The following PDGFD variants were observed in gnomAD, a reference collection of about 807,000 sequenced individuals.
PDGFD encodes platelet derived growth factor D, also known as platelet-derived growth factor D.
Under a neutral mutation model 44.7 loss-of-function variants are expected in PDGFD, and 30 were observed. The observed-to-expected ratio is 0.67, with a 90% CI of 0.50 to 0.91. The LOEUF is 0.91. Ranked by LOEUF, PDGFD falls within the 40% of genes least tolerant of loss-of-function variation. PDGFD has a pLI of 0.00. For synonymous variants in PDGFD, 173 were observed against 168.4 expected (o/e 1.03, Z -0.21); for missense variants, 445 against 457.8 (o/e 0.97, Z 0.25).
At chr11:104,115,061 C>T (rs2134455595) in intron 1 of PDGFD, among the ~76,000 whole-genome samples, 1 of 151,740 alleles carries the variant, frequency 6.6e-6, no homozygotes, top group African/African-American at 2.4e-5. Context: ...CCACCCTCTT[C>T]CCTGAGACCC....
intron 1 of PDGFD, among the ~76,000 whole-genome samples, chr11:104,064,690 C>G (rs2134416513): frequency 6.6e-6 from 1 of 152,260 alleles, no homozygotes; most frequent in African/African-American, 2.4e-5. Flanking sequence ...TAAATAAAGA[C>G]AGGTCTCTGG....
At chr11:104,030,763 C>T (rs116606284) in intron 1 of PDGFD, among the ~76,000 whole-genome samples, 1 of 152,102 alleles carries the variant, frequency 6.6e-6, no homozygotes, top group Non-Finnish European at 1.5e-5. Context: ...CTCTTTGGAA[C>T]CCAGACAGGT....
chr11:103,945,279 T>C (rs1007153682), intron 4 of PDGFD, among the ~76,000 whole-genome samples: 1 of 152,182 alleles, frequency 6.6e-6, no homozygotes, highest in East Asian at 1.9e-4. Flanking sequence ...TCTACGTGAC[T>C]GTGTGTGGGT....
At chr11:103,987,234 G>A (rs902506530) in intron 3 of PDGFD, among the ~76,000 whole-genome samples, 1 of 152,154 alleles carries the variant, frequency 6.6e-6, no homozygotes, top group African/African-American at 2.4e-5. Flanking sequence ...CTCTGTCAAA[G>A]CAGCGGGTAA....
intron 1 of PDGFD, among the ~76,000 whole-genome samples, chr11:104,141,567 T>G (rs1862086263): frequency 6.6e-6 from 1 of 152,126 alleles, no homozygotes; most frequent in Non-Finnish European, 1.5e-5. Flanking sequence ...CCTGAGTATC[T>G]GAGACCACAG....
At chr11:104,143,818 C>T (rs1862120671) in intron 1 of PDGFD, among the ~76,000 whole-genome samples, 1 of 152,236 alleles carries the variant, frequency 6.6e-6, no homozygotes, top group African/African-American at 2.4e-5. Flanking sequence ...ATTTACATCT[C>T]TTTTCCTTAG....
At chr11:104,087,415 G>A (rs1275112617) in intron 1 of PDGFD, among the ~76,000 whole-genome samples, 1 of 151,698 alleles carries the variant, frequency 6.6e-6, no homozygotes, top group Non-Finnish European at 1.5e-5. Context: ...CACCATGTTG[G>A]TCAGGCTGGT....
At chr11:103,965,265 A>G (rs543456356) in intron 3 of PDGFD, among the ~76,000 whole-genome samples, 1 of 152,284 alleles carries the variant, frequency 6.6e-6, no homozygotes, top group Non-Finnish European at 1.5e-5. Flanking sequence ...TACAGTAAAC[A>G]TATACTACCT....
intron 1 of PDGFD, among the ~76,000 whole-genome samples, chr11:104,023,162 G>A (rs1229734569): frequency 6.6e-6 from 1 of 152,048 alleles, no homozygotes; most frequent in Non-Finnish European, 1.5e-5. Context: ...ATGACCTTGA[G>A]TATCTCCTCA....
intron 3 of PDGFD, among the ~76,000 whole-genome samples, chr11:103,956,884 C>A (rs1160545837): frequency 6.6e-6 from 1 of 152,110 alleles, no homozygotes; most frequent in Non-Finnish European, 1.5e-5. Context: ...CTGTTCATAT[C>A]CTTCACCCAC....
chr11:104,077,528 C>A (rs1456104146), intron 1 of PDGFD, among the ~76,000 whole-genome samples: 1 of 152,064 alleles, frequency 6.6e-6, no homozygotes, highest in Non-Finnish European at 1.5e-5. Context: ...AAAATGAGTT[C>A]AATGCTCAGT....
intron 1 of PDGFD, among the ~76,000 whole-genome samples, chr11:104,141,187 A>G (rs1408944851): frequency 6.6e-6 from 1 of 152,072 alleles, no homozygotes; most frequent in African/African-American, 2.4e-5. Flanking sequence ...TAGTTAAAAA[A>G]CCTGTAATAT....
In PDGFD at chr11:103,918,901, GT is replaced by G. The variant is rs1858166937; in HGVS notation, c.987+8010del. Among the ~76,000 whole-genome samples the G allele has an allele frequency of 3.9e-5, 6 of 152,158 alleles. No homozygotes were observed. The South Asian group carries it at 1.0e-3, about 26-fold the overall frequency. ...TGAGAAAGCAAACTGGCGGTTATAGGTTATCTGGTCACCTTTAAAGGGAAGG... is the reference window on the plus strand; with the variant it reads ...TGAGAAAGCAAACTGGCGGTTATAGGTATCTGGTCACCTTTAAAGGGAAGG... On this transcript the variant is annotated intron_variant, in intron 6 of 6. Coordinates refer to ENST00000393158, the MANE Select transcript of PDGFD (RefSeq NM_025208.5).
intron 2 of PDGFD, among the ~76,000 whole-genome samples, chr11:103,997,294 C>T (rs527856395): frequency 6.6e-6 from 1 of 152,292 alleles, no homozygotes; most frequent in Admixed American, 6.5e-5. Flanking sequence ...TTTTCTGTTA[C>T]AATCATCAGA....
At chr11:104,160,577 G>A (rs901566163) in intron 1 of PDGFD, among the ~76,000 whole-genome samples, 2 of 152,138 alleles carry the variant, frequency 1.3e-5, no homozygotes, top group African/African-American at 2.4e-5. Context: ...AGGCAGAAAT[G>A]GGTATCAAAA....
intron 6 of PDGFD, among the ~76,000 whole-genome samples, chr11:103,910,191 C>A (rs1186775471): frequency 6.6e-6 from 1 of 152,150 alleles, no homozygotes; most frequent in African/African-American, 2.4e-5. Flanking sequence ...TAGATGAATA[C>A]AATACTTGAG....
chr11:103,921,561 AG>A (rs1445947413), intron 6 of PDGFD, among the ~76,000 whole-genome samples: 2 of 151,894 alleles, frequency 1.3e-5, no homozygotes, highest in Non-Finnish European at 2.9e-5. Flanking sequence ...AAATATTTTA[AG>A]TTGAAAATGC....
intron 1 of PDGFD, among the ~76,000 whole-genome samples, chr11:104,154,233 T>C (rs1458162685): frequency 6.6e-6 from 1 of 152,016 alleles, no homozygotes; most frequent in Non-Finnish European, 1.5e-5. Flanking sequence ...TCTTCATCAT[T>C]CATCATGGTA....
At chr11:104,088,663 C>A (rs1021833280) in intron 1 of PDGFD, among the ~76,000 whole-genome samples, 3 of 152,082 alleles carry the variant, frequency 2.0e-5, no homozygotes, top group Non-Finnish European at 4.4e-5. Flanking sequence ...ATGGCTCCAG[C>A]AAGGCAGGTA....
Sources: gnomAD v4.1 joint callset for allele counts (sites outside exome capture counted in the v4.1 genomes callset) on GRCh38, gnomAD v4.1.1 for gene constraint, MANE v1.5 for transcripts, NCBI Gene and HGNC (gene_info 2026-07-23, HGNC 2026-07-21) for gene names.